The following GALNT2 variants were observed in gnomAD, a reference collection of about 807,000 sequenced individuals.
GALNT2 encodes polypeptide N-acetylgalactosaminyltransferase 2.
GALNT2 carries 31 observed loss-of-function variants against 81.4 expected under a neutral mutation model. The ratio of observed to expected loss-of-function variants is 0.38; its 90% CI spans 0.29 to 0.51. The LOEUF (loss-of-function observed/expected upper bound fraction) is 0.51. Ranked by LOEUF, GALNT2 falls within the 20% of genes least tolerant of loss-of-function variation. GALNT2 has a pLI of 0.87. For missense variants in GALNT2, 629 were observed against 765.7 expected, an observed-to-expected ratio of 0.82 and a Z score of 2.11; for synonymous variants, 303 against 287.4, an observed-to-expected ratio of 1.05 and a Z score of -0.55.
At chr1:230,141,464 C>G (rs1490630086) in intron 1 of GALNT2, among the ~76,000 whole-genome samples, 2 of 152,194 alleles carry the variant, frequency 1.3e-5, no homozygotes. Context: ...CCTCCCCTCC[C>G]CCTGGCAACC....
At chr1:230,188,352 G>A (rs898251319) in intron 2 of GALNT2, among the ~76,000 whole-genome samples, 2 of 152,196 alleles carry the variant, frequency 1.3e-5, no homozygotes, top group African/African-American at 4.8e-5. Flanking sequence ...GGCAGTCCCA[G>A]CTGGAAGTCA....
chr1:230,236,104 C>G lies in GALNT2; in HGVS notation c.465C>G (p.Thr155=). 6.2e-7 allele frequency: 1 copy of G among 1,613,942 alleles called. No homozygotes were observed. The highest frequency in any genetic ancestry group is 1.1e-5 in the South Asian group (1 of 91,064). The change falls in exon 4 of 16, where the codon ACC becomes ACG. Residue 155 remains threonine, a synonymous_variant. Transcript: ENST00000366672. The part of the protein sequence containing the change: ...HNEARSALLR[T]VVSVLKKSPP... ...AAGCCAGGTCGGCCCTACTCAGGAC[C>G]GTGGTCAGGTGAGGCCAGGAGATGC...
At chr1:230,155,816 G>A (rs954313046) in intron 1 of GALNT2, among the ~76,000 whole-genome samples, 1 of 152,180 alleles carries the variant, frequency 6.6e-6, no homozygotes, top group Non-Finnish European at 1.5e-5. Context: ...TCTGAGGGTC[G>A]CTAAGACATT....
intron 1 of GALNT2, among the ~76,000 whole-genome samples, chr1:230,168,908 A>G (rs1662700806): frequency 1.3e-5 from 2 of 152,190 alleles, no homozygotes; most frequent in Non-Finnish European, 2.9e-5. Context: ...CTGTTTTAAT[A>G]TGTTATCCAG....
In GALNT2 at chr1:230,275,713, C is replaced by T. The variant is rs770671739; in HGVS notation, c.1560+1149C>T. On this transcript the variant is annotated intron_variant, in intron 15 of 15. Transcript: ENST00000366672. This position sits in a 1 kb window ranked among gnomAD's most constrained non-coding sequence, Gnocchi z 5.5. ...AAACACCACATATATATACACACCACATATACACACCACATATATATATAC... is the reference window on the plus strand; with the variant it reads ...AAACACCACATATATATACACACCATATATACACACCACATATATATATAC... Among the ~76,000 whole-genome samples the T allele has an allele frequency of 0.088, 8,794 of 99,584 alleles. 271 individuals are homozygous for T. Among genetic ancestry groups the T allele is most frequent in the Middle Eastern group, 0.13 (23 of 176 alleles). 65.3% of individuals were successfully genotyped at this position (99,584 alleles called of 152,430 possible).
At chr1:230,171,155 C>T (rs147565746) in intron 1 of GALNT2, among the ~76,000 whole-genome samples, 2 of 152,298 alleles carry the variant, frequency 1.3e-5, no homozygotes, top group Non-Finnish European at 2.9e-5. Context: ...AGAAATAAGT[C>T]CTTCTGCTTC....
At position 230,239,947 on chromosome 1, in the gene GALNT2, C is replaced by T. The variant is rs186884875; in HGVS notation, c.607+3222C>T. 7.7e-4 allele frequency among the ~76,000 whole-genome samples: 117 copies of T among 152,298 alleles called. 1 individual carries two copies. Among genetic ancestry groups the T allele is most frequent in the African/African-American group, 2.7e-3 (112 of 41,560 alleles). On this transcript the variant is annotated intron_variant, in intron 6 of 15. Coordinates refer to ENST00000366672, the MANE Select transcript of GALNT2 (RefSeq NM_004481.5). ...TAAGAATTTTACAATAGTTAAATTGCATTTCCATTTCCCTTCCTATGTACT... is the reference window on the plus strand; with the variant it reads ...TAAGAATTTTACAATAGTTAAATTGTATTTCCATTTCCCTTCCTATGTACT...
At chr1:230,126,492 C>G (rs1020690920) in intron 1 of GALNT2, among the ~76,000 whole-genome samples, 1 of 152,048 alleles carries the variant, frequency 6.6e-6, no homozygotes, top group Non-Finnish European at 1.5e-5. Flanking sequence ...TGAGGACTAA[C>G]GGATGCCGAT....
chr1:230,133,449 C>CTTT (rs71934973), intron 1 of GALNT2, among the ~76,000 whole-genome samples: 2 of 140,330 alleles, frequency 1.4e-5, no homozygotes, highest in African/African-American at 2.6e-5. Flanking sequence ...TTTCTTTTTT[C>CTTT]TTTTTTTTTT....
At chr1:230,092,020 C>A (rs1475303540) in intron 1 of GALNT2, 4 of 152,148 alleles carry the variant, frequency 2.6e-5, no homozygotes, top group Admixed American at 1.3e-4. Flanking sequence ...TATTAAAGCC[C>A]TTCTGTTCAA....
intron 2 of GALNT2, 42 bp from the exon 3 acceptor site, chr1:230,203,094 TC>T: frequency 2.5e-6 from 4 of 1,582,254 alleles, no homozygotes; most frequent in Non-Finnish European, 3.5e-6. Context: ...GAGCACTTGG[TC>T]ACATTTTCCC....
At chr1:230,120,556 T>C (rs142145472) in intron 1 of GALNT2, among the ~76,000 whole-genome samples, 4 of 152,250 alleles carry the variant, frequency 2.6e-5, no homozygotes, top group Non-Finnish European at 5.9e-5. Context: ...CCCTCCAGTG[T>C]CGCCTGTGCC....
chr1:230,249,267 A>G lies in GALNT2; in HGVS notation c.901A>G (p.Ile301Val). The change falls in exon 9 of 16, where the codon ATA becomes GTA. Residue 301 changes from isoleucine (I) to valine (V), a missense_variant. Ile to Val is a conservative substitution (Grantham distance 29). This residue lies in a region of GALNT2 where 360 missense variants were observed against 492.8 expected (regional missense o/e 0.73). Coordinates refer to ENST00000366672, the MANE Select transcript of GALNT2 (RefSeq NM_004481.5). Reference protein sequence around the residue: ...RSRQGNPVAPIKTPMIAGGLF... With the variant: ...RSRQGNPVAPVKTPMIAGGLF... ...CCGGCAGGGGAACCCAGTCGCCCCT[A>G]TAAAGTAAGTGCCAGCATCCTTCAG... 6.2e-7 allele frequency: 1 copy of G among 1,613,936 alleles called. No individual in the cohort carries two copies. The highest frequency in any genetic ancestry group is 8.5e-7 in the Non-Finnish European group (1 of 1,179,916).
intron 1 of GALNT2, among the ~76,000 whole-genome samples, chr1:230,149,154 T>C (rs933033308): frequency 6.6e-6 from 1 of 152,260 alleles, no homozygotes; most frequent in Non-Finnish European, 1.5e-5. Context: ...GTGCTGAGAT[T>C]ACAGGCGTGA....
chr1:230,089,151 C>CTTTTTTTTTTTTTT (rs112182659), intron 1 of GALNT2, among the ~76,000 whole-genome samples: 1 of 141,118 alleles, frequency 7.1e-6, no homozygotes. Flanking sequence ...TTCTTTCTTT[C>CTTTTTTTTTTTTTT]TTTTTTTTTT....
At chr1:230,068,844 T>C (rs1178507555) in intron 1 of GALNT2, among the ~76,000 whole-genome samples, 1 of 152,180 alleles carries the variant, frequency 6.6e-6, no homozygotes, top group East Asian at 1.9e-4. Flanking sequence ...TAAAAAATGG[T>C]ATAGGTAGTA....
intron 1 of GALNT2, among the ~76,000 whole-genome samples, chr1:230,078,281 G>T (rs559673259): frequency 1.3e-5 from 2 of 152,294 alleles, no homozygotes; most frequent in Non-Finnish European, 2.9e-5. Flanking sequence ...TCGTATTTGG[G>T]GGGGGATCAT....
intron 1 of GALNT2, among the ~76,000 whole-genome samples, chr1:230,071,976 T>C (rs1213063102): frequency 1.3e-5 from 2 of 152,172 alleles, no homozygotes; most frequent in Admixed American, 6.5e-5. Context: ...TACCCAGCAC[T>C]GAGTGGGGTC....
intron 11 of GALNT2, among the ~76,000 whole-genome samples, chr1:230,256,758 C>A (rs1037769360): frequency 6.6e-6 from 1 of 152,196 alleles, no homozygotes; most frequent in African/African-American, 2.4e-5. Flanking sequence ...CAAGCCAGAT[C>A]TCAGGGAGAT....
Sources: allele counts gnomAD v4.1 joint callset (sites outside exome capture counted in the v4.1 genomes callset), GRCh38; gene constraint gnomAD v4.1.1; regional missense constraint gnomAD v4.1.1; non-coding constraint Gnocchi (gnomAD v3.1); transcripts MANE v1.5; gene names NCBI Gene and HGNC (gene_info 2026-07-23, HGNC 2026-07-21).